Variants in PEBP4 observed in about 807,000 individuals in gnomAD.
The protein encoded by PEBP4 is phosphatidylethanolamine-binding protein 4.
Under a neutral mutation model 23.9 loss-of-function variants are expected in PEBP4, and 22 were observed. The ratio of observed to expected loss-of-function variants is 0.92; its 90% CI spans 0.66 to 1.31. The LOEUF (loss-of-function observed/expected upper bound fraction) is 1.31. Among genes scored for constraint, PEBP4 ranks in the 40% most tolerant of loss-of-function variants. The pLI, the probability that PEBP4 is intolerant of heterozygous loss-of-function variation, is 0.00. For missense variants in PEBP4, 324 were observed against 281.7 expected, an observed-to-expected ratio of 1.15 and a Z score of -1.07; for synonymous variants, 112 against 99.3, an observed-to-expected ratio of 1.13 and a Z score of -0.76.
intron 4 of PEBP4, among the ~76,000 whole-genome samples, chr8:22,797,194 G>A (rs1451831465): frequency 1.3e-4 from 20 of 150,112 alleles, no homozygotes; most frequent in East Asian, 3.9e-4. Context: ...CGGAGGTTGC[G>A]GTGAGCTGAG....
chr8:22,865,603 C>CCCCCCG lies in PEBP4; in HGVS notation c.259-47874_259-47869dup, dbSNP rs1298268383. Among the ~76,000 whole-genome samples the CCCCCCG allele has an allele frequency of 7.9e-5, 12 of 152,254 alleles. No individual in the cohort carries two copies. The highest frequency in any genetic ancestry group is 2.1e-4 in the South Asian group (1 of 4,824). On this transcript the variant is annotated intron_variant, in intron 3 of 6. Transcript: ENST00000256404. The surrounding 1 kb of genome is among the most constrained non-coding windows in gnomAD (Gnocchi z 6.9). ...ATTCCCTCCGCCCGGGCGCACGCGG[C>CCCCCCG]CCCCCGCCCCCGCCCCATCCTGCTC...
intron 6 of PEBP4, among the ~76,000 whole-genome samples, chr8:22,724,436 G>A (rs1482389216): frequency 1.3e-5 from 2 of 152,222 alleles, no homozygotes; most frequent in Non-Finnish European, 2.9e-5. Context: ...AGGATAGACT[G>A]GCAGGGTGGC....
intron 3 of PEBP4, among the ~76,000 whole-genome samples, chr8:22,840,560 A>G (rs1363577832): frequency 6.6e-6 from 1 of 151,914 alleles, no homozygotes; most frequent in Non-Finnish European, 1.5e-5. Flanking sequence ...TTTGTTAGGG[A>G]ATTGGAAGGG....
At chr8:22,812,200 T>A (rs1219812613) in intron 4 of PEBP4, among the ~76,000 whole-genome samples, 1 of 152,168 alleles carries the variant, frequency 6.6e-6, no homozygotes, top group African/African-American at 2.4e-5. Context: ...GTGGAACCGA[T>A]CACTCAAGCA....
intron 3 of PEBP4, among the ~76,000 whole-genome samples, chr8:22,842,207 T>C (rs1807343795): frequency 6.6e-6 from 1 of 152,160 alleles, no homozygotes; most frequent in Non-Finnish European, 1.5e-5. Context: ...GTGAGACAGG[T>C]TGAAAATACA....
intron 3 of PEBP4, among the ~76,000 whole-genome samples, chr8:22,843,770 G>C (rs1008352570): frequency 2.6e-5 from 4 of 152,208 alleles, no homozygotes; most frequent in African/African-American, 9.7e-5. Context: ...CCACTCCTGA[G>C]TTATCTGGGA....
chr8:22,857,364 A>T (rs932705326), intron 3 of PEBP4, among the ~76,000 whole-genome samples: 1 of 152,104 alleles, frequency 6.6e-6, no homozygotes, highest in African/African-American at 2.4e-5. Flanking sequence ...CCAATGCTAT[A>T]CCCTTCTCTC....
intron 6 of PEBP4, among the ~76,000 whole-genome samples, chr8:22,720,850 G>A (rs1167765973): frequency 2.0e-5 from 3 of 152,206 alleles, no homozygotes; most frequent in Non-Finnish European, 2.9e-5. Context: ...ACATGCATGA[G>A]AGCAGGGACA....
chr8:22,838,405 C>G (rs1265787594), intron 3 of PEBP4, among the ~76,000 whole-genome samples: 2 of 152,142 alleles, frequency 1.3e-5, no homozygotes, highest in Non-Finnish European at 2.9e-5. Context: ...GCTGGATGAG[C>G]CCGTTGGACT....
chr8:22,867,986 C>G (rs1206753895), intron 3 of PEBP4, among the ~76,000 whole-genome samples: 1 of 152,188 alleles, frequency 6.6e-6, no homozygotes, highest in Non-Finnish European at 1.5e-5. Context: ...TGTGCATGCA[C>G]AGACCGTAGG....
intron 3 of PEBP4, among the ~76,000 whole-genome samples, chr8:22,916,345 G>A (rs562425148): frequency 1.3e-4 from 20 of 152,154 alleles, no homozygotes; most frequent in Non-Finnish European, 2.6e-4. Flanking sequence ...TTGTCAGAGC[G>A]CCAGGGGAGA....
At chr8:22,732,420 G>A (rs1804757859) in intron 4 of PEBP4, among the ~76,000 whole-genome samples, 1 of 152,152 alleles carries the variant, frequency 6.6e-6, no homozygotes, top group Non-Finnish European at 1.5e-5. Flanking sequence ...GGGGGCGTGG[G>A]GAGGGAGAAC....
intron 1 of PEBP4, among the ~76,000 whole-genome samples, chr8:22,935,145 G>A (rs1383189538): frequency 2.0e-5 from 3 of 152,168 alleles, no homozygotes; most frequent in African/African-American, 7.2e-5. Flanking sequence ...GGAAAAATAG[G>A]TAGCTTAACA....
chr8:22,871,204 G>A (rs1807999880), intron 3 of PEBP4, among the ~76,000 whole-genome samples: 2 of 152,152 alleles, frequency 1.3e-5, no homozygotes, highest in African/African-American at 4.8e-5. Context: ...TCCAGCCTCT[G>A]TCTAGAAGCG....
chr8:22,833,869 A>G (rs1289445168), intron 3 of PEBP4, among the ~76,000 whole-genome samples: 1 of 152,122 alleles, frequency 6.6e-6, no homozygotes, highest in Non-Finnish European at 1.5e-5. Context: ...GTTGGTTTAT[A>G]AGTTTCCCAG....
intron 6 of PEBP4, among the ~76,000 whole-genome samples, chr8:22,716,452 A>G (rs1446057235): frequency 2.0e-5 from 3 of 152,162 alleles, no homozygotes; most frequent in East Asian, 3.9e-4. Flanking sequence ...CTGGCCTCCT[A>G]TTAGGCTCTA....
intron 3 of PEBP4, among the ~76,000 whole-genome samples, chr8:22,853,018 C>T (rs145156190): frequency 3.3e-5 from 5 of 152,312 alleles, no homozygotes; most frequent in Non-Finnish European, 5.9e-5. Context: ...AGCTGCGAAG[C>T]GCTTTCATTA....
In PEBP4 at chr8:22,716,082, T is replaced by C. The variant is rs569674364; in HGVS notation, c.518-2546A>G. 3.4e-3 allele frequency among the ~76,000 whole-genome samples: 525 copies of C among 152,252 alleles called. 1 individual carries two copies. The highest frequency in any genetic ancestry group is 0.012 in the African/African-American group (501 of 41,550). ...ACGAGGGTAGGGGCAGTGTGGGCAC[T>C]TCAGAGGCCTTGGTGGTGGGAGGCC... On this transcript the variant is annotated intron_variant, in intron 6 of 6. Transcript: ENST00000256404.
chr8:22,774,725 C>T (rs533761797), intron 4 of PEBP4, among the ~76,000 whole-genome samples: 1 of 152,196 alleles, frequency 6.6e-6, no homozygotes, highest in African/African-American at 2.4e-5. Flanking sequence ...TCTGGCCCAG[C>T]CGTCCCCACC....
Sources: gnomAD v4.1 joint callset for allele counts (sites outside exome capture counted in the v4.1 genomes callset) on GRCh38, gnomAD v4.1.1 for gene constraint, Gnocchi (gnomAD v3.1) non-coding constraint, MANE v1.5 for transcripts, NCBI Gene and HGNC (gene_info 2026-07-23, HGNC 2026-07-21) for gene names.